VPS50: variants seen among roughly 807,000 people sequenced by gnomAD.
VPS50 encodes syndetin.
In VPS50, 70 loss-of-function variants were observed where a neutral mutation model predicts 139.7. The observed-to-expected ratio is 0.50, with a 90% confidence interval of 0.41 to 0.61. The LOEUF (loss-of-function observed/expected upper bound fraction) is 0.61. Among genes scored for constraint, VPS50 ranks in the 20% least tolerant of loss-of-function variants. The pLI is 0.00. For synonymous variants in VPS50, 365 were observed against 376.7 expected (o/e 0.97, Z 0.36); for missense variants, 921 against 1,133.7 (o/e 0.81, Z 2.69).
intron 1 of VPS50, among the ~76,000 whole-genome samples, chr7:93,232,759 C>T (rs753743125): frequency 5.9e-5 from 9 of 152,246 alleles, no homozygotes; most frequent in East Asian, 1.9e-4. Flanking sequence ...CTTTGTCTCC[C>T]CTCCTCCTCT....
chr7:93,238,729 G>A (rs893538187), intron 1 of VPS50, among the ~76,000 whole-genome samples: 2 of 152,110 alleles, frequency 1.3e-5, no homozygotes, highest in Non-Finnish European at 1.5e-5. Flanking sequence ...CATGATCCAA[G>A]GGTTATACTG....
At chr7:93,251,656 C>CA (rs1173488394) in intron 2 of VPS50, among the ~76,000 whole-genome samples, 1 of 151,970 alleles carries the variant, frequency 6.6e-6, no homozygotes, top group Non-Finnish European at 1.5e-5. Context: ...CCCCAGAACT[C>CA]AAAGTATCAT....
At chr7:93,294,406 G>A (rs987320351) in intron 13 of VPS50, 139 bp from the exon 14 acceptor site, 28 of 719,912 alleles carry the variant, frequency 3.9e-5, no homozygotes, top group Non-Finnish European at 5.4e-5. Context: ...GTTTGATATT[G>A]TTTTGATTGT....
rs1264968279 is a variant in VPS50, at chr7:93,325,549, C to T, written c.1977+1817C>T. ...TGGGAGAAAATTTTCACAACCTACT[C>T]ATCTGACAAAGGGCTAATATCCAGA... On this transcript the variant is annotated intron_variant, in intron 21 of 27. Transcript: ENST00000305866. Among the ~76,000 whole-genome samples, 5 of 152,098 alleles carry T rather than the reference C, an allele frequency of 3.3e-5. No homozygotes were observed. In the South Asian group the frequency reaches 1.0e-3, roughly 32 times the overall value.
At chr7:93,353,828 G>T in intron 26 of VPS50, 67 bp downstream of exon 26, 2 of 1,208,838 alleles carry the variant, frequency 1.7e-6, no homozygotes, top group Non-Finnish European at 2.4e-6. Flanking sequence ...ATAACATACG[G>T]TATTAATGGT....
rs1796831113 is a variant in VPS50, at chr7:93,297,025, G to C, written c.1263-120G>C. 6.9e-6 allele frequency: 10 copies of C among 1,454,794 alleles called. No homozygotes were observed. In the South Asian group the frequency reaches 1.5e-4, roughly 22 times the overall value. 90.1% of individuals were successfully genotyped at this position (1,454,794 alleles called of 1,614,324 possible). A position where few individuals can be genotyped will look rare whatever the true frequency, so the allele number is the denominator to read the frequency against. On this transcript the variant is annotated intron_variant, in intron 15 of 27. Coordinates refer to ENST00000305866, the MANE Select transcript of VPS50 (RefSeq NM_017667.4). ...AACCTTTATGGATTTGTGATCTTTA[G>C]AATTTTTTCACATGTCCAAATTTTA... is the stretch of plus-strand genomic sequence containing the variant.
At chr7:93,238,330 AT>A (rs1242544277) in intron 1 of VPS50, among the ~76,000 whole-genome samples, 1 of 151,378 alleles carries the variant, frequency 6.6e-6, no homozygotes, top group African/African-American at 2.4e-5. Flanking sequence ...ATTCCTAGAA[AT>A]TTTTTTGCAG....
intron 12 of VPS50, among the ~76,000 whole-genome samples, chr7:93,283,611 TTAAAG>T (rs796576313): frequency 6.6e-6 from 1 of 152,246 alleles, no homozygotes; most frequent in African/African-American, 2.4e-5. Context: ...AAATAAGACT[TTAAAG>T]TAATAATCTA....
chr7:93,356,283 T>C, intron 27 of VPS50: 1 of 297,556 alleles, frequency 3.4e-6, no homozygotes, highest in Non-Finnish European at 6.2e-6. Flanking sequence ...TCATCAAATC[T>C]TTTTCAGCCC....
chr7:93,312,570 C>G (rs575671576), intron 20 of VPS50, among the ~76,000 whole-genome samples: 2 of 152,084 alleles, frequency 1.3e-5, no homozygotes, highest in Non-Finnish European at 2.9e-5. Flanking sequence ...TTGGTTTGTC[C>G]TTTTGGTCTA....
chr7:93,259,938 C>T (rs1198535204), intron 9 of VPS50, among the ~76,000 whole-genome samples: 3 of 152,056 alleles, frequency 2.0e-5, no homozygotes, highest in Non-Finnish European at 4.4e-5. Flanking sequence ...TTCATATCTC[C>T]AATGCATCTC....
chr7:93,304,313 G>A (rs963998587), intron 17 of VPS50, among the ~76,000 whole-genome samples: 2 of 151,638 alleles, frequency 1.3e-5, no homozygotes, highest in African/African-American at 4.8e-5. Flanking sequence ...CTGGATAAAT[G>A]TAAAGAATAC....
chr7:93,241,768 A>G (rs1422809467), intron 2 of VPS50, among the ~76,000 whole-genome samples: 3 of 152,090 alleles, frequency 2.0e-5, no homozygotes, highest in Non-Finnish European at 4.4e-5. Flanking sequence ...CCTACACAGC[A>G]TAGCTTGATG....
intron 20 of VPS50, among the ~76,000 whole-genome samples, chr7:93,316,735 C>T (rs1406940994): frequency 6.6e-6 from 1 of 152,112 alleles, no homozygotes; most frequent in Non-Finnish European, 1.5e-5. Flanking sequence ...TAGAAATAGT[C>T]TATAGGTAGT....
At chr7:93,354,486 G>A (rs1798644953) in intron 26 of VPS50, among the ~76,000 whole-genome samples, 1 of 151,912 alleles carries the variant, frequency 6.6e-6, no homozygotes, top group African/African-American at 2.4e-5. Flanking sequence ...TAGAGATGGG[G>A]TTTCACCATG....
intron 2 of VPS50, among the ~76,000 whole-genome samples, chr7:93,242,735 G>T (rs923677125): frequency 1.3e-5 from 2 of 151,814 alleles, no homozygotes; most frequent in African/African-American, 4.8e-5. Flanking sequence ...TCTTTTCATA[G>T]TATCTTTCTA....
At chr7:93,319,569 G>A (rs1261463933) in intron 20 of VPS50, among the ~76,000 whole-genome samples, 1 of 152,012 alleles carries the variant, frequency 6.6e-6, no homozygotes, top group African/African-American at 2.4e-5. Context: ...ATTCTATTCT[G>A]TTGCAGATGA....
At chr7:93,341,112 C>A (rs1798197173) in intron 22 of VPS50, among the ~76,000 whole-genome samples, 1 of 152,138 alleles carries the variant, frequency 6.6e-6, no homozygotes, top group Admixed American at 6.6e-5. Context: ...TTTACAAGTT[C>A]TTGAGGGCCA....
At chr7:93,343,849 C>A (rs1798302229) in intron 23 of VPS50, among the ~76,000 whole-genome samples, 1 of 152,184 alleles carries the variant, frequency 6.6e-6, no homozygotes, top group African/African-American at 2.4e-5. Flanking sequence ...TGGAAAGGAA[C>A]AACCGGTACC....
Sources: gnomAD v4.1 joint callset for allele counts (sites outside exome capture counted in the v4.1 genomes callset) on GRCh38, gnomAD v4.1.1 for gene constraint, MANE v1.5 for transcripts, NCBI Gene and HGNC (gene_info 2026-07-23, HGNC 2026-07-21) for gene names.